ANXA11: variants seen among roughly 807,000 people sequenced by gnomAD.
ANXA11 encodes annexin A11, also known as 56 kDa autoantigen.
ANXA11 carries 57 observed loss-of-function variants against 64.7 expected under a neutral mutation model. That is an observed-to-expected ratio of 0.88 (90% CI 0.71 to 1.10). ANXA11 has a LOEUF of 1.10. Among genes scored for constraint, ANXA11 ranks in the 50% least tolerant of loss-of-function variants. ANXA11 has a pLI of 0.00. For synonymous variants in ANXA11, 260 were observed against 265.2 expected (o/e 0.98, Z 0.19); for missense variants, 675 against 670.7 (o/e 1.01, Z -0.07).
At chr10:80,163,729 G>C in intron 9 of ANXA11, 116 bp from the exon 10 acceptor site, 1 of 976,224 alleles carries the variant, frequency 1.0e-6, no homozygotes, top group Non-Finnish European at 1.6e-6. Flanking sequence ...CTTGGCTCGG[G>C]CTCAAGAGAA....
intron 12 of ANXA11, among the ~76,000 whole-genome samples, chr10:80,159,890 C>T (rs1203202922): frequency 6.6e-6 from 1 of 152,228 alleles, no homozygotes; most frequent in Non-Finnish European, 1.5e-5. Context: ...TTTATTCATG[C>T]ATCCATCTGT....
chr10:80,173,717 C>T (rs999097339), intron 2 of ANXA11, among the ~76,000 whole-genome samples: 7 of 152,262 alleles, frequency 4.6e-5, no homozygotes, highest in African/African-American at 1.2e-4. Flanking sequence ...GCTGCTGCTG[C>T]AGTCTGCAGA....
chr10:80,169,603 C>T (rs980742378), intron 4 of ANXA11, among the ~76,000 whole-genome samples: 2 of 152,190 alleles, frequency 1.3e-5, no homozygotes, highest in Admixed American at 6.5e-5. Context: ...GATGCCTTCC[C>T]TCTCCACATG....
chr10:80,188,480 C>CATAT (rs71034291), intron 1 of ANXA11, among the ~76,000 whole-genome samples: 7,425 of 100,230 alleles, frequency 0.074, 422 homozygotes, highest in East Asian at 0.21. Context: ...AGTATTCTCA[C>CATAT]ATATATATAT....
intron 12 of ANXA11, among the ~76,000 whole-genome samples, chr10:80,160,375 C>A (rs767174496): frequency 2.0e-5 from 3 of 152,214 alleles, no homozygotes; most frequent in African/African-American, 4.8e-5. Context: ...TCAGCTGTTA[C>A]TAGCTGTGCA....
At chr10:80,171,079 C>T in intron 3 of ANXA11, 164 bp from the exon 4 acceptor site, 1 of 1,518,062 alleles carries the variant, frequency 6.6e-7, no homozygotes, top group Non-Finnish European at 8.8e-7. Context: ...AGGAAAGTCT[C>T]CCCCTATCCC....
chr10:80,184,784 C>T (rs1282491698), intron 1 of ANXA11, among the ~76,000 whole-genome samples: 2 of 152,126 alleles, frequency 1.3e-5, no homozygotes, highest in Non-Finnish European at 1.5e-5. Flanking sequence ...GACCACTGAG[C>T]TCTACCTAGT....
chr10:80,168,860 G>A, intron 5 of ANXA11, 109 bp downstream of exon 5: 2 of 1,237,008 alleles, frequency 1.6e-6, no homozygotes, highest in Non-Finnish European at 2.1e-6. Context: ...AAAACAAGAA[G>A]TGCAGCTGGA....
In ANXA11 at chr10:80,164,120, G is replaced by T. The variant is rs1845632441; in HGVS notation, c.882C>A (p.Cys294Ter). 3.1e-6 allele frequency: 5 copies of T among 1,614,080 alleles called. No homozygotes were observed. The Admixed American group carries it at 8.3e-5, about 27-fold the overall frequency. Reference sequence around the variant, plus strand: ...TGCGGGAAGCGAGGATCTCAATCAGGCAGGCTTCATCAGTGCCAACCCCCT... The same window carrying T: ...TGCGGGAAGCGAGGATCTCAATCAGTCAGGCTTCATCAGTGCCAACCCCCT... ...AIKGVGTDEA[C>*]LIEILASRSN... The change falls in exon 9 of 16, where the codon TGC (cysteine) becomes TGA (stop). Residue 294 changes from cysteine (C) to a stop codon, truncating the protein, a stop_gained. Transcript: ENST00000422982. LOFTEE classifies it high-confidence loss of function.
In ANXA11 at chr10:80,150,961, C is replaced by T. The variant is rs1332439740; in HGVS notation, c.*4892G>A. On this transcript the variant is annotated 3_prime_UTR_variant, in exon 16 of 16. Coordinates refer to ENST00000422982, the MANE Select transcript of ANXA11 (RefSeq NM_145868.2). ...AAACTTTCAATTCGTTTCCAGAGTT[C>T]CCATAAATTTGAGTTTTTGCCACCT... 1 of 152,104 alleles carries T rather than the reference C, an allele frequency of 6.6e-6. No homozygotes were observed. Among genetic ancestry groups the T allele is most frequent in the East Asian group, 1.9e-4 (1 of 5,188 alleles). The allele number at this position is 152,104 out of a possible 1,614,324, so 9.4% of individuals were successfully genotyped here. A position where few individuals can be genotyped will look rare whatever the true frequency, so the allele number is the denominator to read the frequency against.
At position 80,187,093 on chromosome 10, in the gene ANXA11, C is replaced by A. The variant is rs543058065; in HGVS notation, c.-57-10938G>T. Among the ~76,000 whole-genome samples, 11 of 152,332 alleles carry A rather than the reference C, an allele frequency of 7.2e-5. 1 individual carries two copies. In the South Asian group the frequency reaches 2.3e-3, roughly 32 times the overall value. ...GACGCTGAGGTTCTTGCAACAGACA[C>A]AGTGGCAGTGACAGAAAAAGCCCCC... is the stretch of plus-strand genomic sequence containing the variant. On this transcript the variant is annotated intron_variant, in intron 1 of 15. Coordinates refer to ENST00000422982, the MANE Select transcript of ANXA11 (RefSeq NM_145868.2).
At chr10:80,182,108 G>C (rs1002498833) in intron 1 of ANXA11, among the ~76,000 whole-genome samples, 2 of 152,096 alleles carry the variant, frequency 1.3e-5, no homozygotes, top group Non-Finnish European at 2.9e-5. Context: ...AAAAAGATGA[G>C]TAGTTGCCAG....
In ANXA11 at chr10:80,154,406, T is replaced by A. The variant is rs1429602299; in HGVS notation, c.*1447A>T. 1 of 152,148 alleles carries A rather than the reference T, an allele frequency of 6.6e-6. No homozygotes were observed. The highest frequency in any genetic ancestry group is 2.4e-5 in the African/African-American group (1 of 41,432). 9.4% of individuals were successfully genotyped at this position (152,148 alleles called of 1,614,324 possible). A position where few individuals can be genotyped will look rare whatever the true frequency, so the allele number is the denominator to read the frequency against. On this transcript the variant is annotated 3_prime_UTR_variant, in exon 16 of 16. Coordinates refer to ENST00000422982, the MANE Select transcript of ANXA11 (RefSeq NM_145868.2). ...CGTGAGCCACCACGCCTGGCCAAAT[T>A]TTTTAGTAGAGACAGGGGTCTCGCT...
chr10:80,184,583 G>GAC (rs1564620773), intron 1 of ANXA11, among the ~76,000 whole-genome samples: 1 of 152,132 alleles, frequency 6.6e-6, no homozygotes, highest in Admixed American at 6.5e-5. Flanking sequence ...ACGAGAGAGA[G>GAC]AGACAGACAG....
Position 80,170,843 on chromosome 10 carries a change from G to T in ANXA11, c.128C>A (p.Ala43Asp). ...SMPPIGLDNV[A>D]TYAGQFNQDY... ...CTGGTTGAACTGCCCCGCATAGGTGGCCACGTTATCCAGCCCGATGGGGGG... is the reference window on the plus strand; with the variant it reads ...CTGGTTGAACTGCCCCGCATAGGTGTCCACGTTATCCAGCCCGATGGGGGG... The change falls in exon 4 of 16, where the codon GCC (alanine) becomes GAC (aspartate). Residue 43 changes from alanine (A) to aspartate (D), a missense_variant. Transcript: ENST00000422982. 1 of 1,519,776 alleles carries T rather than the reference G, an allele frequency of 6.6e-7. No homozygotes were observed. Among genetic ancestry groups the T allele is most frequent in the South Asian group, 1.4e-5 (1 of 74,046 alleles). The allele number at this position is 1,519,776 out of a possible 1,614,324, so 94.1% of individuals were successfully genotyped here.
rs1438529241 is a variant in ANXA11, at chr10:80,169,033, GGCT to G, written c.494_496del (p.Gln165del). The G allele has an allele frequency of 7.8e-6, 12 of 1,545,804 alleles. No individual in the cohort carries two copies. Among genetic ancestry groups the G allele is most frequent in the Non-Finnish European group, 9.6e-6 (11 of 1,151,746 alleles). On this transcript the variant is annotated inframe_deletion, in exon 5 of 16. Transcript: ENST00000422982. ...CGGGTATCCTGGGTAGCTCGGCACT[GGCT>G]GCTGCTGCCCAGGGAGTGGCACTGG...
chr10:80,200,335 T>C (rs1840365838), intron 1 of ANXA11, among the ~76,000 whole-genome samples: 1 of 152,236 alleles, frequency 6.6e-6, no homozygotes, highest in African/African-American at 2.4e-5. Context: ...AATGCACTTA[T>C]TTATTAATTT....
chr10:80,180,640 A>G (rs1846320541), intron 1 of ANXA11, among the ~76,000 whole-genome samples: 2 of 125,260 alleles, frequency 1.6e-5, no homozygotes, highest in Admixed American at 1.6e-4. Context: ...TGATTTGTAT[A>G]TTAGTTTTTT....
At position 80,163,407 on chromosome 10, in the gene ANXA11, T is replaced by C; in HGVS notation, c.1030-2A>G. The C allele has an allele frequency of 6.2e-7, 1 of 1,614,104 alleles. No individual in the cohort carries two copies. The highest frequency in any genetic ancestry group is 1.1e-5 in the South Asian group (1 of 91,078). ...GTTTGTGCTTTCATCACGGTTTCCC[T>C]GAAAGGAAGCAGGTGTATGGTCATG... On this transcript the variant is annotated splice_acceptor_variant, in intron 10 of 15. Transcript: ENST00000422982. LOFTEE classifies it high-confidence loss of function.
Sources: gnomAD v4.1 joint callset for allele counts (sites outside exome capture counted in the v4.1 genomes callset) on GRCh38, gnomAD v4.1.1 for gene constraint, MANE v1.5 for transcripts, NCBI Gene and HGNC (gene_info 2026-07-23, HGNC 2026-07-21) for gene names.